TBX5: variants seen among roughly 807,000 people sequenced by gnomAD.
TBX5 encodes the protein T-box transcription factor 5.
Under a neutral mutation model 51.1 loss-of-function variants are expected in TBX5, and 8 were observed. That is an observed-to-expected ratio of 0.16 (90% CI 0.09 to 0.28). The LOEUF (loss-of-function observed/expected upper bound fraction) is 0.28. Among genes scored for constraint, TBX5 ranks in the 10% least tolerant of loss-of-function variants. The probability of loss-of-function intolerance (pLI) is 1.00; values close to 1 mark genes in which losing one functional copy is unlikely to be tolerated. For missense variants in TBX5, 589 were observed against 671.7 expected (o/e 0.88, Z 1.36); for synonymous variants, 302 against 266.4 (o/e 1.13, Z -1.30).
intron 7 of TBX5, among the ~76,000 whole-genome samples, chr12:114,369,244 G>A (rs1565928951): frequency 6.6e-6 from 1 of 152,164 alleles, no homozygotes; most frequent in Non-Finnish European, 1.5e-5. Flanking sequence ...ACAAGAGAAT[G>A]TATCAATGGA....
chr12:114,368,326 C>A (rs1317860275), intron 7 of TBX5, among the ~76,000 whole-genome samples: 1 of 150,508 alleles, frequency 6.6e-6, no homozygotes, highest in Non-Finnish European at 1.5e-5. Context: ...CAGAGTGAAA[C>A]CCTGTCTCAA....
At position 114,355,739 on chromosome 12, in the gene TBX5, C is replaced by T. The variant is rs1213402848; in HGVS notation, c.1350G>A (p.Leu450=). The change falls in exon 9 of 9, where the codon CTG becomes CTA. Residue 450 remains leucine, a synonymous_variant. Transcript: ENST00000405440. ...TCTGGTGCTGGAACATTCCCTCTCC[C>T]AGCTGTGGGGAGCCATGGTTGGCCA... is the stretch of plus-strand genomic sequence containing the variant. The part of the protein sequence containing the change: ...AGMANHGSPQ[L]GEGMFQHQTS... 1 of 1,614,132 alleles carries T rather than the reference C, an allele frequency of 6.2e-7. No individual in the cohort carries two copies. The highest frequency in any genetic ancestry group is 1.7e-5 in the Admixed American group (1 of 60,014).
intron 7 of TBX5, among the ~76,000 whole-genome samples, chr12:114,379,155 G>A (rs1336835661): frequency 1.3e-5 from 2 of 152,148 alleles, no homozygotes; most frequent in African/African-American, 2.4e-5. Flanking sequence ...ACCATCTGAT[G>A]GTCAGCAAGA....
intron 7 of TBX5, among the ~76,000 whole-genome samples, chr12:114,381,969 T>C (rs761017104): frequency 6.6e-6 from 1 of 152,196 alleles, no homozygotes; most frequent in Non-Finnish European, 1.5e-5. Flanking sequence ...CTAGCCACAC[T>C]TTTCCTCCAT....
Position 114,378,947 on chromosome 12 carries a change from TCAG to T in TBX5, c.755+6526_755+6528del, listed in dbSNP as rs1870356315. On this transcript the variant is annotated intron_variant, in intron 7 of 8. Coordinates refer to ENST00000405440, the MANE Select transcript of TBX5 (RefSeq NM_181486.4). ...ACACTACCTGACATCCAAGGTGCAG[TCAG>T]CAAGGACCAGGTGGCTTCCACTTCC... Among the ~76,000 whole-genome samples the T allele has an allele frequency of 3.9e-5, 6 of 152,298 alleles. No individual in the cohort carries two copies. The South Asian group carries it at 1.2e-3, about 32-fold the overall frequency.
chr12:114,399,435 C>A, intron 4 of TBX5, 78 bp downstream of exon 4: 3 of 1,576,352 alleles, frequency 1.9e-6, no homozygotes, highest in Non-Finnish European at 2.6e-6. Flanking sequence ...AAAAAGTTCA[C>A]TGATACAACT....
rs138445175 is a variant in TBX5, at chr12:114,359,746, C to T, written c.983-3640G>A. ...GAGTTACAGCTCCAATGCTCGCTCG[C>T]CATGTGACTGGATGAATCACCAGGT... On this transcript the variant is annotated intron_variant, in intron 8 of 8. Coordinates refer to ENST00000405440, the MANE Select transcript of TBX5 (RefSeq NM_181486.4). Among the ~76,000 whole-genome samples the T allele has an allele frequency of 5.7e-3, 871 of 152,292 alleles. 24 individuals carry two copies. Among genetic ancestry groups the T allele is most frequent in the Non-Finnish European group, 1.2e-3 (85 of 68,024 alleles).
At chr12:114,357,166 C>T (rs1212768465) in intron 8 of TBX5, among the ~76,000 whole-genome samples, 1 of 152,194 alleles carries the variant, frequency 6.6e-6, no homozygotes, top group Non-Finnish European at 1.5e-5. Flanking sequence ...CTGTTTCCTG[C>T]TGAGCAAGTC....
chr12:114,361,761 C>A lies in TBX5; in HGVS notation c.982+4404G>T, dbSNP rs11067075. 1.7e-3 allele frequency among the ~76,000 whole-genome samples: 257 copies of A among 152,296 alleles called. 6 individuals are homozygous for A. The East Asian group carries it at 0.044, about 26-fold the overall frequency. On this transcript the variant is annotated intron_variant, in intron 8 of 8. Coordinates refer to ENST00000405440, the MANE Select transcript of TBX5 (RefSeq NM_181486.4). Reference sequence around the variant, plus strand: ...AATGAGAATCCCAACTGGAAGGAAACCTCGGCTGATTCCTTATCACTTTAC... The same window carrying A: ...AATGAGAATCCCAACTGGAAGGAAAACTCGGCTGATTCCTTATCACTTTAC...
intron 7 of TBX5, among the ~76,000 whole-genome samples, chr12:114,383,344 AG>A (rs778107463): frequency 6.6e-6 from 1 of 152,202 alleles, no homozygotes; most frequent in African/African-American, 2.4e-5. Context: ...GTGTGTTCGA[AG>A]GGCCAAAAAT....
Position 114,403,879 on chromosome 12 carries a change from C to G in TBX5, c.20G>C (p.Gly7Ala). MADADE[G>A]FGLAHTPLEP... Reference sequence around the variant, plus strand: ...CAGAGGCGTGTGCGCCAGGCCAAAGCCCTCGTCTGCGTCGGCCATGGTGCG... The same window carrying G: ...CAGAGGCGTGTGCGCCAGGCCAAAGGCCTCGTCTGCGTCGGCCATGGTGCG... Residue 7 changes from glycine to alanine, a missense_variant, in exon 2 of 9, where the codon GGC (glycine) becomes GCC (alanine). Around this residue, in one of 7 missense-constraint regions of TBX5, gnomAD observed 101 missense variants for 83.3 expected, o/e 1.21. Coordinates refer to ENST00000405440, the MANE Select transcript of TBX5 (RefSeq NM_181486.4). The G allele has an allele frequency of 6.2e-7, 1 of 1,613,188 alleles. No individual in the cohort carries two copies. The highest frequency in any genetic ancestry group is 1.7e-5 in the Admixed American group (1 of 60,004).
chr12:114,377,513 A>C (rs191448822), intron 7 of TBX5, among the ~76,000 whole-genome samples: 2,565 of 151,938 alleles, frequency 0.017, 65 homozygotes, highest in African/African-American at 0.058. Context: ...GTCTCAGCCA[A>C]AAGAGTAACT....
At chr12:114,362,971 T>A (rs1222492868) in intron 8 of TBX5, among the ~76,000 whole-genome samples, 1 of 152,192 alleles carries the variant, frequency 6.6e-6, no homozygotes, top group African/African-American at 2.4e-5. Flanking sequence ...GCTTCACAAT[T>A]TCAATTAAGC....
In TBX5 at chr12:114,356,826, T is replaced by G. The variant is rs976532138; in HGVS notation, c.983-720A>C. 2.6e-5 allele frequency among the ~76,000 whole-genome samples: 4 copies of G among 152,208 alleles called. No homozygotes were observed. The East Asian group carries it at 5.8e-4, about 22-fold the overall frequency. ...GGTGGGTTTTACTATTATCCTCATCTTACAGATGAGAGAAAAAGGACTCAC... is the reference window on the plus strand; with the variant it reads ...GGTGGGTTTTACTATTATCCTCATCGTACAGATGAGAGAAAAAGGACTCAC... On this transcript the variant is annotated intron_variant, in intron 8 of 8. Transcript: ENST00000405440.
chr12:114,358,776 T>TG lies in TBX5; in HGVS notation c.983-2671_983-2670insC, dbSNP rs1367730850. On this transcript the variant is annotated intron_variant, in intron 8 of 8. Transcript: ENST00000405440. ...TTCACCTTTTAACTGTGCGGGGTTT[T>TG]TTTTGTTTGTTTGTTTGTTTGTTTG... Among the ~76,000 whole-genome samples, 10 of 126,088 alleles carry TG rather than the reference T, an allele frequency of 7.9e-5. No individual in the cohort carries two copies. In the East Asian group the frequency reaches 1.1e-3, roughly 13 times the overall value. 82.7% of individuals were successfully genotyped at this position (126,088 alleles called of 152,430 possible).
upstream of TBX5, chr12:114,407,942 C>G (rs146645348): frequency 7.1e-6 from 7 of 985,308 alleles, no homozygotes; most frequent in African/African-American, 1.7e-5. Context: ...CTTCTTCCAA[C>G]GTCTGTCAAG....
Position 114,398,810 on chromosome 12 carries a change from G to A in TBX5, c.363-90C>T, listed in dbSNP as rs1226353908. On this transcript the variant is annotated intron_variant, in intron 4 of 8. Coordinates refer to ENST00000405440, the MANE Select transcript of TBX5 (RefSeq NM_181486.4). ...GCGTGCTTCAGTTCACGCACCAGGT[G>A]AGGGTTGTTGAGTAGTAGCTGGGAA... 58 of 1,471,900 alleles carry A rather than the reference G, an allele frequency of 3.9e-5. No homozygotes were observed. In the East Asian group the frequency reaches 1.0e-3, roughly 26 times the overall value. The allele number at this position is 1,471,900 out of a possible 1,614,324, so 91.2% of individuals were successfully genotyped here. A position where few individuals can be genotyped will look rare whatever the true frequency, so the allele number is the denominator to read the frequency against.
At chr12:114,391,756 G>C (rs1430311230) in intron 6 of TBX5, among the ~76,000 whole-genome samples, 3 of 152,172 alleles carry the variant, frequency 2.0e-5, no homozygotes, top group African/African-American at 7.2e-5. Context: ...AAAGTAGCAA[G>C]ACTGAGTCCA....
intron 7 of TBX5, among the ~76,000 whole-genome samples, chr12:114,367,846 G>A (rs1327750079): frequency 6.6e-6 from 1 of 152,082 alleles, no homozygotes; most frequent in Non-Finnish European, 1.5e-5. Context: ...AACATATTTT[G>A]GTAACTATAT....
Sources: gnomAD v4.1 joint callset for allele counts (sites outside exome capture counted in the v4.1 genomes callset) on GRCh38, gnomAD v4.1.1 for gene constraint, gnomAD v4.1.1 regional missense constraint, MANE v1.5 for transcripts, NCBI Gene and HGNC (gene_info 2026-07-23, HGNC 2026-07-21) for gene names.